TP53BP2: variants seen among roughly 807,000 people sequenced by gnomAD.
TP53BP2 encodes tumor protein p53 binding protein 2, also known as apoptosis-stimulating of p53 protein 2.
In TP53BP2, 62 loss-of-function variants were observed where a neutral mutation model predicts 126.2. That is an observed-to-expected ratio of 0.49 (90% confidence interval 0.40 to 0.61). The LOEUF (loss-of-function observed/expected upper bound fraction) is 0.61. TP53BP2 is among the 20% of genes least tolerant of loss of function. TP53BP2 has a pLI of 0.00. For missense variants in TP53BP2, 1,215 were observed against 1,402.8 expected (o/e 0.87, Z 2.14); for synonymous variants, 485 against 502.9 (o/e 0.96, Z 0.48).
At chr1:223,825,564 A>C (rs1663463730) in intron 1 of TP53BP2, among the ~76,000 whole-genome samples, 1 of 152,066 alleles carries the variant, frequency 6.6e-6, no homozygotes, top group Non-Finnish European at 1.5e-5. Context: ...ACAGCTATAT[A>C]CTCTCAAATG....
In TP53BP2 at chr1:223,798,559, C is replaced by A. The variant is rs1238022211; in HGVS notation, c.1604G>T (p.Ser535Ile). ...QPPSDIKPDG[S>I]SQQLSTVVPS... is the part of the protein sequence containing the mutation. ...AACAACTGTTGACAACTGCTGAGAA[C>A]TTCCGTCTGGCTTAATGTCTGAAGG... The change falls in exon 12 of 18, where the codon AGT becomes ATT. Residue 535 changes from serine to isoleucine, a missense_variant. Around this residue, in one of 4 missense-constraint regions of TP53BP2, gnomAD observed 814 missense variants for 853.0 expected, o/e 0.95. Transcript: ENST00000343537. The A allele has an allele frequency of 6.2e-7, 1 of 1,614,060 alleles. No homozygotes were observed. Among genetic ancestry groups the A allele is most frequent in the African/African-American group, 1.3e-5 (1 of 74,922 alleles).
At chr1:223,802,494 TC>T in intron 8 of TP53BP2, 150 bp from the exon 9 acceptor site, 1 of 874,744 alleles carries the variant, frequency 1.1e-6, no homozygotes, top group Non-Finnish European at 1.7e-6. Context: ...AAATAAACAC[TC>T]CCCAATGAAC....
chr1:223,784,292 T>C lies in TP53BP2; in HGVS notation c.3186A>G (p.Ile1062Met), dbSNP rs755089821. 4.3e-6 allele frequency: 7 copies of C among 1,614,172 alleles called. No homozygotes were observed. Among genetic ancestry groups the C allele is most frequent in the Middle Eastern group, 3.3e-4 (2 of 6,062 alleles). ...GCGCATAAATGACTCCTTTATTCAT[T>C]ATGCCCATCTTCTCCTGAACTCCTA... is the stretch of plus-strand genomic sequence containing the variant. ...FLYGVQEKMG[I>M]MNKGVIYALW... The change falls in exon 17 of 18, where the codon ATA (isoleucine) becomes ATG (methionine). Residue 1062 changes from isoleucine to methionine, a missense_variant. Around this residue, in one of 4 missense-constraint regions of TP53BP2, gnomAD observed 151 missense variants for 231.2 expected, o/e 0.65. Transcript: ENST00000343537.
At position 223,810,519 on chromosome 1, in the gene TP53BP2, G is replaced by T; in HGVS notation, c.290-6C>A. 1 of 1,590,388 alleles carries T rather than the reference G, an allele frequency of 6.3e-7. No individual in the cohort carries two copies. The highest frequency in any genetic ancestry group is 8.6e-7 in the Non-Finnish European group (1 of 1,167,774). On this transcript the variant is annotated splice_region_variant and splice_polypyrimidine_tract_variant and intron_variant, in intron 3 of 17. Transcript: ENST00000343537. ...CTGAGATCTTGGTCCACTCACTAAG[G>T]ACAAAATTCAAAAACTATGCATTAA... is the stretch of plus-strand genomic sequence containing the variant.
intron 1 of TP53BP2, among the ~76,000 whole-genome samples, chr1:223,828,613 A>G (rs1663584054): frequency 6.6e-6 from 1 of 152,246 alleles, no homozygotes; most frequent in African/African-American, 2.4e-5. Flanking sequence ...AGCACATCTT[A>G]AAAGTCCACT....
chr1:223,837,799 G>A (rs760992891), intron 1 of TP53BP2, among the ~76,000 whole-genome samples: 1 of 151,998 alleles, frequency 6.6e-6, no homozygotes, highest in Non-Finnish European at 1.5e-5. Context: ...AACCTCTTCT[G>A]TGGCTCCCAC....
At chr1:223,810,323 G>A in intron 4 of TP53BP2, 108 bp downstream of exon 4, 2 of 691,120 alleles carry the variant, frequency 2.9e-6, no homozygotes, top group Non-Finnish European at 4.5e-6. Flanking sequence ...CCTTTAAAAA[G>A]CGGCCATCCT....
At chr1:223,790,414 C>G (rs1472545228) in intron 15 of TP53BP2, among the ~76,000 whole-genome samples, 1 of 151,746 alleles carries the variant, frequency 6.6e-6, no homozygotes, top group Non-Finnish European at 1.5e-5. Flanking sequence ...AAAAAATAGC[C>G]AGGTGTGGTG....
intron 1 of TP53BP2, among the ~76,000 whole-genome samples, chr1:223,837,155 A>AGCGGGGGGG (rs1558111841): frequency 5.2e-4 from 40 of 76,682 alleles, no homozygotes; most frequent in African/African-American, 1.8e-3. Context: ...TAAAAAAAAA[A>AGCGGGGGGG]GGGGGGGGGC....
At position 223,831,154 on chromosome 1, in the gene TP53BP2, G is replaced by A. The variant is rs139495929; in HGVS notation, c.28-9787C>T. Among the ~76,000 whole-genome samples, 1,222 of 150,902 alleles carry A rather than the reference G, an allele frequency of 8.1e-3. 9 individuals are homozygous for A. The highest frequency in any genetic ancestry group is 0.012 in the Non-Finnish European group (838 of 67,672). The stretch of plus-strand genomic sequence containing the variant: ...TCTCAGTATTTTGGGAGGCTGAGGC[G>A]GGAGGATCACTTCAGGCCAGGAGCT... On this transcript the variant is annotated intron_variant, in intron 1 of 17. Coordinates refer to ENST00000343537, the MANE Select transcript of TP53BP2 (RefSeq NM_001031685.3).
chr1:223,804,139 T>A (rs1424117855), intron 6 of TP53BP2, 35 bp downstream of exon 6: 2 of 1,580,812 alleles, frequency 1.3e-6, no homozygotes, highest in Non-Finnish European at 1.7e-6. Flanking sequence ...GACAAATAAA[T>A]GTATAAAAAA....
At chr1:223,781,547 G>C (rs1175664908) in intron 17 of TP53BP2, among the ~76,000 whole-genome samples, 2 of 152,172 alleles carry the variant, frequency 1.3e-5, no homozygotes, top group African/African-American at 4.8e-5. Context: ...CCAAACAAAA[G>C]CAGCCCCTCT....
chr1:223,789,338 C>T (rs1046256267), intron 15 of TP53BP2, among the ~76,000 whole-genome samples, 164 bp from the exon 16 acceptor site: 1 of 152,060 alleles, frequency 6.6e-6, no homozygotes, highest in African/African-American at 2.4e-5. Context: ...ATGATTGAAC[C>T]CATCAAAGAA....
chr1:223,836,763 G>A (rs752456364), intron 1 of TP53BP2, among the ~76,000 whole-genome samples: 1 of 152,070 alleles, frequency 6.6e-6, no homozygotes, highest in Non-Finnish European at 1.5e-5. Context: ...GGTGCCCCAG[G>A]AAATGGAGAA....
intron 1 of TP53BP2, among the ~76,000 whole-genome samples, chr1:223,842,229 G>T (rs1664124658): frequency 6.6e-6 from 1 of 152,152 alleles, no homozygotes; most frequent in South Asian, 2.1e-4. Context: ...TAGCCACCGT[G>T]CCCGGCCCAG....
intron 2 of TP53BP2, among the ~76,000 whole-genome samples, chr1:223,819,120 G>GT (rs1663203888): frequency 6.6e-6 from 1 of 150,494 alleles, no homozygotes; most frequent in South Asian, 2.1e-4. Context: ...GGAGGCGGAG[G>GT]TTGCAGTGAG....
At chr1:223,798,740 G>A in intron 11 of TP53BP2, 63 bp from the exon 12 acceptor site, 2 of 1,337,640 alleles carry the variant, frequency 1.5e-6, no homozygotes, top group Non-Finnish European at 2.1e-6. Flanking sequence ...GGATGTTCTA[G>A]ATAACCTAAT....
intron 1 of TP53BP2, among the ~76,000 whole-genome samples, chr1:223,826,433 C>T (rs551496030): frequency 2.0e-5 from 3 of 152,272 alleles, no homozygotes; most frequent in East Asian, 1.9e-4. Flanking sequence ...TGAGAACCAT[C>T]GTCTAAGGCT....
Position 223,845,771 on chromosome 1 carries a change from C to G in TP53BP2, c.-91G>C. 7.7e-7 allele frequency: 1 copy of G among 1,295,242 alleles called. No individual in the cohort carries two copies. The highest frequency in any genetic ancestry group is 2.0e-5 in the South Asian group (1 of 49,582). 80.2% of individuals were successfully genotyped at this position (1,295,242 alleles called of 1,614,324 possible). On this transcript the variant is annotated 5_prime_UTR_variant, in exon 1 of 18. Coordinates refer to ENST00000343537, the MANE Select transcript of TP53BP2 (RefSeq NM_001031685.3). ...GGAGGGGAGCGGAGAGCGAGGCCGC[C>G]CGGACCTGTTGCGAGGCGGCGGCGG...
Sources: allele counts gnomAD v4.1 joint callset (sites outside exome capture counted in the v4.1 genomes callset), GRCh38; gene constraint gnomAD v4.1.1; regional missense constraint gnomAD v4.1.1; transcripts MANE v1.5; gene names NCBI Gene and HGNC (gene_info 2026-07-23, HGNC 2026-07-21).